The following DSE variants were observed in gnomAD, a reference collection of about 807,000 sequenced individuals.
The protein encoded by DSE is dermatan sulfate epimerase.
DSE carries 36 observed loss-of-function variants against 84.4 expected under a neutral mutation model. That is an observed-to-expected ratio of 0.43 (90% confidence interval 0.33 to 0.56). The LOEUF (loss-of-function observed/expected upper bound fraction) is 0.56, where lower values mean the gene tolerates loss of function less well. Ranked by LOEUF, DSE falls within the 20% of genes least tolerant of loss-of-function variation. DSE has a pLI of 0.06. For synonymous variants in DSE, 410 were observed against 430.1 expected, an observed-to-expected ratio of 0.95 and a Z score of 0.58; for missense variants, 862 against 1,169.6, an observed-to-expected ratio of 0.74 and a Z score of 3.84.
At chr6:116,408,637 G>A (rs1782093592) in intron 2 of DSE, among the ~76,000 whole-genome samples, 1 of 152,178 alleles carries the variant, frequency 6.6e-6, no homozygotes, top group Non-Finnish European at 1.5e-5. Flanking sequence ...TTGTCTGTCA[G>A]CCTGTAATCA....
At chr6:116,354,987 A>G (rs1285963963) in intron 2 of DSE, among the ~76,000 whole-genome samples, 1 of 152,230 alleles carries the variant, frequency 6.6e-6, no homozygotes, top group Non-Finnish European at 1.5e-5. Flanking sequence ...ATTCACATAT[A>G]TAATACACAC....
Position 116,282,855 on chromosome 6 carries a change from CTT to C in DSE, c.-54+23890_-54+23891del, listed in dbSNP as rs1582937575. Among the ~76,000 whole-genome samples the C allele has an allele frequency of 2.0e-5, 3 of 152,018 alleles. No homozygotes were observed. The South Asian group carries it at 6.2e-4, about 31-fold the overall frequency. ...TCCTATTTTTTTTTAAAGAAAGAAT[CTT>C]TGCTTGGAAGGAGGAACTCTCTAGG... On this transcript the variant is annotated intron_variant, in intron 2 of 3. Transcript: ENST00000430252.
At chr6:116,295,139 G>T (rs533468417) in intron 2 of DSE, among the ~76,000 whole-genome samples, 1 of 152,112 alleles carries the variant, frequency 6.6e-6, no homozygotes, top group Non-Finnish European at 1.5e-5. Context: ...TTGCTGTGGC[G>T]GTTGGAGGAG....
At chr6:116,387,834 GGT>G (rs1434705904) in intron 1 of DSE, among the ~76,000 whole-genome samples, 1 of 152,160 alleles carries the variant, frequency 6.6e-6, no homozygotes, top group Admixed American at 6.5e-5. Context: ...TTTCCACAGA[GGT>G]ATTAAGAGAA....
chr6:116,284,089 A>T (rs1052900362), intron 2 of DSE, among the ~76,000 whole-genome samples: 9 of 152,334 alleles, frequency 5.9e-5, no homozygotes, highest in African/African-American at 2.2e-4. Context: ...TTTCTAATAC[A>T]GTTCTATGGG....
At chr6:116,404,991 T>G (rs3822954) in intron 2 of DSE, among the ~76,000 whole-genome samples, 51,187 of 149,040 alleles carry the variant, frequency 0.34, 8,823 homozygotes, top group Admixed American at 0.37. Flanking sequence ...ATTGTGTTTT[T>G]TTTTTTTTTT....
At chr6:116,395,086 C>G (rs1781153266) in intron 1 of DSE, among the ~76,000 whole-genome samples, 1 of 152,230 alleles carries the variant, frequency 6.6e-6, no homozygotes, top group South Asian at 2.1e-4. Context: ...ACAGAAGGCA[C>G]ATTTTGAGAT....
chr6:116,256,964 C>A (rs1772168553), intron 1 of DSE, among the ~76,000 whole-genome samples: 1 of 152,080 alleles, frequency 6.6e-6, no homozygotes, highest in African/African-American at 2.4e-5. Context: ...CCATGAAAAT[C>A]TATGAGGTAA....
chr6:116,376,982 G>C (rs190043499), intron 1 of DSE, among the ~76,000 whole-genome samples: 1 of 152,262 alleles, frequency 6.6e-6, no homozygotes, highest in East Asian at 1.9e-4. Context: ...TTTATTTCTA[G>C]ACTTAATAGT....
chr6:116,377,648 G>A (rs542327275), intron 1 of DSE, among the ~76,000 whole-genome samples: 11 of 152,246 alleles, frequency 7.2e-5, no homozygotes, highest in Non-Finnish European at 1.3e-4. Context: ...GACAGTTTCT[G>A]TCACTGAGAA....
intron 1 of DSE, among the ~76,000 whole-genome samples, chr6:116,397,654 A>T (rs1391054542): frequency 2.0e-5 from 3 of 152,150 alleles, no homozygotes; most frequent in African/African-American, 7.2e-5. Flanking sequence ...TGGGTCTCTG[A>T]CCTTGAAGGA....
At chr6:116,432,210 T>G (rs1188669993) in intron 4 of DSE, among the ~76,000 whole-genome samples, 2 of 152,240 alleles carry the variant, frequency 1.3e-5, no homozygotes, top group African/African-American at 2.4e-5. Context: ...GTTTCAGTGC[T>G]TTGTAATTTA....
At position 116,279,744 on chromosome 6, in the gene DSE, G is replaced by A. The variant is rs1773387040; in HGVS notation, c.-54+20777G>A. 5 of 1,612,022 alleles carry A rather than the reference G, an allele frequency of 3.1e-6. No individual in the cohort carries two copies. The highest frequency in any genetic ancestry group is 1.3e-5 in the African/African-American group (1 of 75,064). On this transcript the variant is annotated intron_variant, in intron 2 of 3. Transcript: ENST00000430252. The stretch of plus-strand genomic sequence containing the variant: ...CGCGGAGCCTCAGGTACTGGTGTGC[G>A]TCCTGGTCGCTCGGGACTTGGTCAG...
chr6:116,299,590 GTATA>G (rs1411596532), intron 2 of DSE, among the ~76,000 whole-genome samples: 1 of 119,598 alleles, frequency 8.4e-6, no homozygotes, highest in African/African-American at 3.0e-5. Flanking sequence ...ATATATGTAT[GTATA>G]TGTGTGTGTA....
intron 1 of DSE, among the ~76,000 whole-genome samples, chr6:116,387,641 A>G (rs1780652123): frequency 1.3e-5 from 2 of 152,096 alleles, no homozygotes; most frequent in African/African-American, 2.4e-5. Context: ...TCAAAAATAA[A>G]CCTGACCACT....
intron 2 of DSE, among the ~76,000 whole-genome samples, chr6:116,315,346 A>ATATG (rs1229329545): frequency 6.6e-6 from 1 of 151,314 alleles, no homozygotes; most frequent in Non-Finnish European, 1.5e-5. Flanking sequence ...ATATATATAT[A>ATATG]TATTCTTTTG....
intron 2 of DSE, among the ~76,000 whole-genome samples, chr6:116,420,466 A>G (rs538075408): frequency 6.6e-6 from 1 of 152,342 alleles, no homozygotes; most frequent in East Asian, 1.9e-4. Context: ...CCCACACCAT[A>G]CATCTAGGAC....
chr6:116,375,200 AC>A (rs1779847414), intron 1 of DSE, among the ~76,000 whole-genome samples: 5 of 151,906 alleles, frequency 3.3e-5, no homozygotes, highest in Admixed American at 3.3e-4. Flanking sequence ...AAAATCCCAA[AC>A]TCTTGAGGTG....
intron 2 of DSE, among the ~76,000 whole-genome samples, chr6:116,361,960 A>G (rs1273377741): frequency 6.6e-6 from 1 of 152,146 alleles, no homozygotes; most frequent in South Asian, 2.1e-4. Flanking sequence ...TATCTAGACT[A>G]TGTATTGTAT....
Sources: allele counts gnomAD v4.1 joint callset (sites outside exome capture counted in the v4.1 genomes callset), GRCh38; gene constraint gnomAD v4.1.1; transcripts MANE v1.5; gene names NCBI Gene and HGNC (gene_info 2026-07-23, HGNC 2026-07-21).